The following PDE5A variants were observed in gnomAD, a reference collection of about 807,000 sequenced individuals.
PDE5A encodes the protein phosphodiesterase 5A, also known as cGMP-specific 3',5'-cyclic phosphodiesterase.
In PDE5A, 67 loss-of-function variants were observed where a neutral mutation model predicts 110.2. That is an observed-to-expected ratio of 0.61 (90% CI 0.50 to 0.75). The LOEUF (loss-of-function observed/expected upper bound fraction) is 0.75. Ranked by LOEUF, PDE5A falls within the 30% of genes least tolerant of loss-of-function variation. The probability of loss-of-function intolerance (pLI) is 0.00; values close to 1 mark genes in which losing one functional copy is unlikely to be tolerated. For missense variants in PDE5A, 862 were observed against 1,045.1 expected (o/e 0.82, Z 2.42); for synonymous variants, 328 against 351.2 (o/e 0.93, Z 0.74).
intron 1 of PDE5A, among the ~76,000 whole-genome samples, chr4:119,615,715 T>C (rs1221592223): frequency 6.6e-6 from 1 of 152,174 alleles, no homozygotes; most frequent in Admixed American, 6.5e-5. Context: ...GAAGCATCTG[T>C]AGCTTTTACC....
At chr4:119,578,243 A>G (rs1016101128) in intron 3 of PDE5A, among the ~76,000 whole-genome samples, 13 of 152,170 alleles carry the variant, frequency 8.5e-5, no homozygotes, top group Non-Finnish European at 1.6e-4. Context: ...AATCAGTATC[A>G]TGAAAATGGC....
At chr4:119,610,114 G>A (rs2110552881) in intron 1 of PDE5A, among the ~76,000 whole-genome samples, 1 of 152,258 alleles carries the variant, frequency 6.6e-6, no homozygotes, top group Non-Finnish European at 1.5e-5. Flanking sequence ...TTTCATAGAT[G>A]CATGCTGTGA....
At chr4:119,581,367 A>T (rs1728582758) in intron 3 of PDE5A, among the ~76,000 whole-genome samples, 1 of 152,216 alleles carries the variant, frequency 6.6e-6, no homozygotes, top group Admixed American at 6.5e-5. Flanking sequence ...AGCTAACCAC[A>T]TATGTAGCCA....
chr4:119,606,017 C>T (rs1729515088), intron 2 of PDE5A, among the ~76,000 whole-genome samples: 1 of 152,094 alleles, frequency 6.6e-6, no homozygotes, highest in South Asian at 2.1e-4. Context: ...AACTAAAATT[C>T]CATTAATAAA....
intron 8 of PDE5A, 62 bp downstream of exon 8, chr4:119,553,576 G>C: frequency 1.2e-6 from 1 of 826,238 alleles, no homozygotes; most frequent in Non-Finnish European, 2.2e-6. Flanking sequence ...AAGAATAACT[G>C]TAAGTACAGA....
At chr4:119,501,629 G>A (rs1725337074) in intron 19 of PDE5A, among the ~76,000 whole-genome samples, 1 of 152,102 alleles carries the variant, frequency 6.6e-6, no homozygotes, top group Non-Finnish European at 1.5e-5. Flanking sequence ...GCTCTAGAAA[G>A]GTGAATCAGT....
In PDE5A at chr4:119,567,563, T is replaced by G. The variant is rs116419114; in HGVS notation, c.832-419A>C. ...ATTCCAAAACGGCTAAATGCTCTTT[T>G]ACTAAAAATGAAACAGGACCTAGTG... is the stretch of plus-strand genomic sequence containing the variant. On this transcript the variant is annotated intron_variant, in intron 3 of 20. Coordinates refer to ENST00000354960, the MANE Select transcript of PDE5A (RefSeq NM_001083.4). 7.7e-3 allele frequency among the ~76,000 whole-genome samples: 1,175 copies of G among 152,294 alleles called. 19 individuals carry two copies. Among genetic ancestry groups the G allele is most frequent in the African/African-American group, 0.027 (1,114 of 41,570 alleles).
intron 1 of PDE5A, 60 bp downstream of exon 1, chr4:119,628,460 G>A (rs890196485): frequency 1.4e-6 from 2 of 1,393,096 alleles, no homozygotes. Flanking sequence ...GGTGAACGAA[G>A]GGCACAATTC....
chr4:119,570,377 AT>A (rs1441804000), intron 3 of PDE5A, among the ~76,000 whole-genome samples: 1 of 152,188 alleles, frequency 6.6e-6, no homozygotes, highest in African/African-American at 2.4e-5. Context: ...ATTAGCTTCC[AT>A]ATCAGAATGT....
At chr4:119,608,395 A>G (rs904023987) in intron 1 of PDE5A, among the ~76,000 whole-genome samples, 2 of 152,206 alleles carry the variant, frequency 1.3e-5, no homozygotes, top group African/African-American at 4.8e-5. Context: ...TTCAATTCAA[A>G]TAATTCCCCT....
At chr4:119,548,779 T>A (rs1363821670) in intron 9 of PDE5A, 1 of 152,204 alleles carries the variant, frequency 6.6e-6, no homozygotes, top group Non-Finnish European at 1.5e-5. Context: ...TTTTTTCTAG[T>A]TTTCTTCCAC....
chr4:119,613,722 T>C (rs1321506635), intron 1 of PDE5A, among the ~76,000 whole-genome samples: 1 of 53,918 alleles, frequency 1.9e-5, no homozygotes, highest in Non-Finnish European at 4.2e-5. Context: ...TTATTAATTC[T>C]AGGGGGTTTT....
At chr4:119,508,038 G>GA (rs901270831) in intron 15 of PDE5A, among the ~76,000 whole-genome samples, 21 of 150,866 alleles carry the variant, frequency 1.4e-4, no homozygotes, top group African/African-American at 3.9e-4. Context: ...GTAAAACTTT[G>GA]AAAAAAAAGC....
intron 11 of PDE5A, among the ~76,000 whole-genome samples, chr4:119,531,793 T>C (rs1240434998): frequency 6.6e-6 from 1 of 152,058 alleles, no homozygotes; most frequent in Non-Finnish European, 1.5e-5. Context: ...GTGAGGTAAA[T>C]TCTTTTATTA....
At chr4:119,543,015 T>C in intron 9 of PDE5A, 1 of 169,212 alleles carries the variant, frequency 5.9e-6, no homozygotes, top group East Asian at 1.6e-4. Flanking sequence ...ACAGATCTCC[T>C]TTCCTTACTG....
At chr4:119,532,653 ATG>A (rs1726585372) in intron 11 of PDE5A, among the ~76,000 whole-genome samples, 1 of 152,142 alleles carries the variant, frequency 6.6e-6, no homozygotes, top group African/African-American at 2.4e-5. Flanking sequence ...ACCATAAAGC[ATG>A]TGTTTGTAGA....
Position 119,548,044 on chromosome 4 carries a change from A to ATTTTT in PDE5A, c.1396+4501_1396+4505dup, listed in dbSNP as rs11438089. Among the ~76,000 whole-genome samples the ATTTTT allele has an allele frequency of 1.3e-3, 119 of 94,762 alleles. 3 individuals are homozygous for ATTTTT. The highest frequency in any genetic ancestry group is 1.4e-3 in the Non-Finnish European group (73 of 51,276). The allele number at this position is 94,762 out of a possible 152,430, so 62.2% of individuals were successfully genotyped here. ...GATCACTTTGTCCATTTCTCCGTGT[A>ATTTTT]TTTTTTTTTTTTTTTTTTTTTTGAG... On this transcript the variant is annotated intron_variant, in intron 9 of 20. Coordinates refer to ENST00000354960, the MANE Select transcript of PDE5A (RefSeq NM_001083.4).
intron 1 of PDE5A, among the ~76,000 whole-genome samples, chr4:119,613,332 T>A (rs1362052884): frequency 6.6e-6 from 1 of 152,214 alleles, no homozygotes; most frequent in East Asian, 1.9e-4. Flanking sequence ...AACCTTCTCA[T>A]GAACTTTTTT....
intron 2 of PDE5A, among the ~76,000 whole-genome samples, chr4:119,606,328 A>G (rs1205375250): frequency 3.9e-5 from 6 of 152,146 alleles, no homozygotes; most frequent in Non-Finnish European, 8.8e-5. Context: ...TTTTGCACCT[A>G]TCATTTTAGA....
Sources: allele counts gnomAD v4.1 joint callset (sites outside exome capture counted in the v4.1 genomes callset), GRCh38; gene constraint gnomAD v4.1.1; transcripts MANE v1.5; gene names NCBI Gene and HGNC (gene_info 2026-07-23, HGNC 2026-07-21).